SREK1IP1: variants seen among roughly 807,000 people sequenced by gnomAD.
SREK1IP1 encodes the protein SREK1 interacting protein 1, also known as protein SREK1IP1.
In SREK1IP1, 12 loss-of-function variants were observed where a neutral mutation model predicts 22.8. That is an observed-to-expected ratio of 0.53 (90% CI 0.34 to 0.85). The LOEUF (loss-of-function observed/expected upper bound fraction) is 0.85. Ranked by LOEUF, SREK1IP1 falls within the 40% of genes least tolerant of loss-of-function variation. SREK1IP1 has a pLI of 0.02. For synonymous variants in SREK1IP1, 53 were observed against 52.7 expected, an observed-to-expected ratio of 1.01 and a Z score of -0.02; for missense variants, 147 against 171.8, an observed-to-expected ratio of 0.86 and a Z score of 0.81.
At chr5:64,756,245 CCAT>C (rs998747119) in intron 1 of SREK1IP1, among the ~76,000 whole-genome samples, 2 of 152,070 alleles carry the variant, frequency 1.3e-5, no homozygotes, top group African/African-American at 4.8e-5. Flanking sequence ...TATTGTACAA[CCAT>C]CATCACTATT....
intron 4 of SREK1IP1, chr5:64,727,553 A>ATATATATATATATTTTTTTT: frequency 3.5e-5 from 3 of 84,714 alleles, no homozygotes; most frequent in African/African-American, 1.6e-4. Flanking sequence ...ATATATATAT[A>ATATATATATATATTTTTTTT]TTTTTTTTTT....
chr5:64,741,924 G>A (rs971133101), intron 2 of SREK1IP1, among the ~76,000 whole-genome samples: 8 of 150,694 alleles, frequency 5.3e-5, no homozygotes, highest in South Asian at 4.2e-4. Context: ...ATGCCTGTGC[G>A]CACACACACA....
At position 64,768,666 on chromosome 5, in the gene SREK1IP1, C is replaced by T. The variant is rs190917424; in HGVS notation, c.-149G>A. The T allele has an allele frequency of 3.3e-5, 34 of 1,042,404 alleles. No homozygotes were observed. In the Admixed American group the frequency reaches 6.0e-4, roughly 18 times the overall value. 64.6% of individuals were successfully genotyped at this position (1,042,404 alleles called of 1,614,324 possible). On this transcript the variant is annotated 5_prime_UTR_variant, in exon 1 of 5. Transcript: ENST00000513458. ...CTACGGTCGGGAAGGGCCTGTACGC[C>T]TCTAGCGACGGCAGAACCAGTAGAT...
At chr5:64,739,251 G>A (rs1228523158) in intron 3 of SREK1IP1, among the ~76,000 whole-genome samples, 1 of 152,088 alleles carries the variant, frequency 6.6e-6, no homozygotes, top group Non-Finnish European at 1.5e-5. Flanking sequence ...GAACCAAATA[G>A]GTGAAGAAAG....
At chr5:64,747,514 A>G (rs1046063749) in intron 2 of SREK1IP1, among the ~76,000 whole-genome samples, 1 of 152,216 alleles carries the variant, frequency 6.6e-6, no homozygotes, top group African/African-American at 2.4e-5. Context: ...ATTTCTTATG[A>G]TCATAAATGG....
chr5:64,764,857 T>C (rs565139378), intron 1 of SREK1IP1, among the ~76,000 whole-genome samples: 7 of 152,230 alleles, frequency 4.6e-5, no homozygotes, highest in African/African-American at 1.7e-4. Flanking sequence ...TAAAGAAAAA[T>C]TGGATGTAAT....
intron 1 of SREK1IP1, 39 bp from the exon 2 acceptor site, chr5:64,754,401 A>G (rs1742801976): frequency 6.3e-7 from 1 of 1,586,120 alleles, no homozygotes. Context: ...AAGTAAATAA[A>G]TATGCGAAAA....
chr5:64,725,851 T>G, intron 4 of SREK1IP1, among the ~76,000 whole-genome samples: 1 of 146,668 alleles, frequency 6.8e-6, no homozygotes, highest in African/African-American at 2.7e-5. Context: ...GTTTTTTTTT[T>G]TGTTTGTTTC....
At chr5:64,753,319 T>C (rs770241426) in intron 2 of SREK1IP1, among the ~76,000 whole-genome samples, 1 of 152,172 alleles carries the variant, frequency 6.6e-6, no homozygotes, top group African/African-American at 2.4e-5. Context: ...AAGTTAGCAA[T>C]GCTTGAAAGA....
Position 64,768,651 on chromosome 5 carries a change from G to C in SREK1IP1, c.-134C>G. 7.6e-7 allele frequency: 1 copy of C among 1,311,150 alleles called. No homozygotes were observed. Among genetic ancestry groups the C allele is most frequent in the Non-Finnish European group, 1.1e-6 (1 of 922,312 alleles). 81.2% of individuals were successfully genotyped at this position (1,311,150 alleles called of 1,614,324 possible). ...GCAGCAGCACCCTCGCTACGGTCGG[G>C]AAGGGCCTGTACGCCTCTAGCGACG... On this transcript the variant is annotated 5_prime_UTR_variant, in exon 1 of 5. Coordinates refer to ENST00000513458, the MANE Select transcript of SREK1IP1 (RefSeq NM_173829.4).
rs1401022856 is a variant in SREK1IP1 at position 64,719,758 on chromosome 5, G to A, written c.*4626C>T. On this transcript the variant is annotated 3_prime_UTR_variant, in exon 5 of 5. Coordinates refer to ENST00000513458, the MANE Select transcript of SREK1IP1 (RefSeq NM_173829.4). ...GGCATGACTGGATGCATCATGGGTT[G>A]TGCTATAGAAGAGGCACCCCAATTC... 1 of 152,216 alleles carries A rather than the reference G, an allele frequency of 6.6e-6. No homozygotes were observed. The highest frequency in any genetic ancestry group is 1.5e-5 in the Non-Finnish European group (1 of 68,058). 9.4% of individuals were successfully genotyped at this position (152,216 alleles called of 1,614,324 possible).
At chr5:64,748,791 A>G (rs995743965) in intron 2 of SREK1IP1, among the ~76,000 whole-genome samples, 2 of 152,314 alleles carry the variant, frequency 1.3e-5, no homozygotes, top group Admixed American at 6.5e-5. Context: ...CAATTTGCCT[A>G]ATGTCACATA....
intron 4 of SREK1IP1, among the ~76,000 whole-genome samples, chr5:64,725,950 C>T (rs182568053): frequency 1.1e-4 from 16 of 150,468 alleles, no homozygotes; most frequent in Non-Finnish European, 1.8e-4. Context: ...CTGCAACCTC[C>T]GCTCCCCCGA....
At chr5:64,759,385 C>T (rs751128537) in intron 1 of SREK1IP1, among the ~76,000 whole-genome samples, 11 of 152,154 alleles carry the variant, frequency 7.2e-5, no homozygotes, top group Admixed American at 5.9e-4. Flanking sequence ...CTTGGGCTCC[C>T]GTGCAGTTCT....
rs112255406 is a variant in SREK1IP1, at chr5:64,744,303, C to T, written c.62-3103G>A. ...GCTAGGTTCAATGTTAATTGGGGCA[C>T]TTAACCTCAAGGTGCCTGTCTGGGC... On this transcript the variant is annotated intron_variant, in intron 2 of 4. Coordinates refer to ENST00000513458, the MANE Select transcript of SREK1IP1 (RefSeq NM_173829.4). Among the ~76,000 whole-genome samples, 36 of 152,264 alleles carry T rather than the reference C, an allele frequency of 2.4e-4. 1 individual carries two copies. The highest frequency in any genetic ancestry group is 8.4e-4 in the African/African-American group (35 of 41,566).
intron 3 of SREK1IP1, among the ~76,000 whole-genome samples, chr5:64,736,158 T>C (rs1291290140): frequency 6.6e-6 from 1 of 152,218 alleles, no homozygotes; most frequent in Non-Finnish European, 1.5e-5. Flanking sequence ...GGGCATTTTC[T>C]AAGTAGCTTT....
At chr5:64,739,027 C>T (rs1742512147) in intron 3 of SREK1IP1, among the ~76,000 whole-genome samples, 1 of 152,032 alleles carries the variant, frequency 6.6e-6, no homozygotes, top group Admixed American at 6.6e-5. Flanking sequence ...CTGTTTAATC[C>T]CTGATCCTGG....
chr5:64,724,898 G>C (rs979999694), intron 4 of SREK1IP1, among the ~76,000 whole-genome samples: 10 of 152,074 alleles, frequency 6.6e-5, no homozygotes, highest in African/African-American at 2.4e-4. Flanking sequence ...GGCAAACAAA[G>C]GGGCATTCAC....
At chr5:64,746,065 C>T (rs1742630740) in intron 2 of SREK1IP1, among the ~76,000 whole-genome samples, 1 of 152,152 alleles carries the variant, frequency 6.6e-6, no homozygotes, top group African/African-American at 2.4e-5. Context: ...CAGAAATAAA[C>T]CCACATATAC....
Sources: allele counts gnomAD v4.1 joint callset (sites outside exome capture counted in the v4.1 genomes callset), GRCh38; gene constraint gnomAD v4.1.1; transcripts MANE v1.5; gene names NCBI Gene and HGNC (gene_info 2026-07-23, HGNC 2026-07-21).